The following LRRC8D variants were observed in gnomAD, a reference collection of about 807,000 sequenced individuals.
The protein encoded by LRRC8D is leucine rich repeat containing 8 VRAC subunit D.
Under a neutral mutation model 55.8 loss-of-function variants are expected in LRRC8D, and 20 were observed. The observed-to-expected ratio is 0.36, with a 90% CI of 0.25 to 0.52. The LOEUF is 0.52. Among genes scored for constraint, LRRC8D ranks in the 20% least tolerant of loss-of-function variants. LRRC8D has a pLI of 0.93. For missense variants in LRRC8D, 651 were observed against 1,030.8 expected (o/e 0.63, Z 5.05); for synonymous variants, 352 against 377.0 (o/e 0.93, Z 0.77).
chr1:89,914,087 G>A (rs1663195741), intron 2 of LRRC8D, among the ~76,000 whole-genome samples: 1 of 152,184 alleles, frequency 6.6e-6, no homozygotes, highest in African/African-American at 2.4e-5. Context: ...ATCCTACCAT[G>A]GTAAAAGGTC....
intron 2 of LRRC8D, among the ~76,000 whole-genome samples, chr1:89,858,176 C>A (rs1489986369): frequency 6.6e-6 from 1 of 152,206 alleles, no homozygotes; most frequent in Non-Finnish European, 1.5e-5. Flanking sequence ...TTGCCGTGAG[C>A]AGAGATGTCA....
intron 2 of LRRC8D, among the ~76,000 whole-genome samples, chr1:89,866,392 A>G (rs1661850406): frequency 6.6e-6 from 1 of 152,238 alleles, no homozygotes; most frequent in African/African-American, 2.4e-5. Flanking sequence ...GTGCATTTAT[A>G]TCAGTTTCCT....
chr1:89,828,555 G>A (rs1333665545), intron 1 of LRRC8D, among the ~76,000 whole-genome samples: 1 of 151,988 alleles, frequency 6.6e-6, no homozygotes, highest in East Asian at 1.9e-4. Flanking sequence ...TGGTTTTTTG[G>A]TGTCATTTCT....
intron 2 of LRRC8D, among the ~76,000 whole-genome samples, chr1:89,854,565 T>G (rs1570824088): frequency 6.6e-6 from 1 of 152,218 alleles, no homozygotes; most frequent in Admixed American, 6.5e-5. Context: ...GTTCTTCCAT[T>G]TAATGGAAGA....
chr1:89,932,772 A>ATCCTGCTGTCATACCC (rs1553129895), intron 2 of LRRC8D, among the ~76,000 whole-genome samples: 5 of 152,232 alleles, frequency 3.3e-5, no homozygotes, highest in African/African-American at 9.6e-5. Context: ...AACAAATGCC[A>ATCCTGCTGTCATACCC]TCCTGCTGTC....
chr1:89,832,591 TAGTATTGAGAG>T (rs1195893678), intron 1 of LRRC8D, among the ~76,000 whole-genome samples: 2 of 152,210 alleles, frequency 1.3e-5, no homozygotes, highest in African/African-American at 2.4e-5. Context: ...AAACCATTTG[TAGTATTGAGAG>T]AATGGGTTCA....
chr1:89,833,336 A>G (rs1660929773), intron 1 of LRRC8D, among the ~76,000 whole-genome samples: 1 of 152,232 alleles, frequency 6.6e-6, no homozygotes, highest in Non-Finnish European at 1.5e-5. Context: ...AAAACGCTGG[A>G]CTGATCATTA....
intron 2 of LRRC8D, among the ~76,000 whole-genome samples, chr1:89,850,334 A>G (rs536015112): frequency 6.6e-6 from 1 of 152,156 alleles, no homozygotes; most frequent in Non-Finnish European, 1.5e-5. Context: ...ACAAAGGTAA[A>G]CTCGTGTCAT....
At chr1:89,872,803 C>G (rs1662054182) in intron 2 of LRRC8D, among the ~76,000 whole-genome samples, 1 of 152,156 alleles carries the variant, frequency 6.6e-6, no homozygotes, top group African/African-American at 2.4e-5. Flanking sequence ...GTCTCCTACA[C>G]TGTGTCAGGT....
chr1:89,850,629 C>CT (rs749562807), intron 2 of LRRC8D, among the ~76,000 whole-genome samples: 1 of 152,174 alleles, frequency 6.6e-6, no homozygotes, highest in Non-Finnish European at 1.5e-5. Context: ...TTTTTATGTT[C>CT]TTTTTTATCA....
At chr1:89,856,753 G>A (rs1332234787) in intron 2 of LRRC8D, among the ~76,000 whole-genome samples, 9 of 152,080 alleles carry the variant, frequency 5.9e-5, no homozygotes, top group Non-Finnish European at 1.3e-4. Flanking sequence ...GACAATCTGT[G>A]TCTTTTAATT....
At chr1:89,928,282 G>C (rs1253400263) in intron 2 of LRRC8D, among the ~76,000 whole-genome samples, 2 of 152,088 alleles carry the variant, frequency 1.3e-5, no homozygotes, top group East Asian at 3.9e-4. Context: ...TGTTGGCCAG[G>C]CTGGTCTCAA....
At position 89,889,580 on chromosome 1, in the gene LRRC8D, T is replaced by TAA. The variant is rs58885629; in HGVS notation, c.-2-43473_-2-43472dup. On this transcript the variant is annotated intron_variant, in intron 2 of 2. Transcript: ENST00000337338. Reference sequence around the variant, plus strand: ...AAACTATACTGTTTAAATGTTTGTTTAAAAAAAAAAAAAAAGGCAGCCTGG... The same window carrying TAA: ...AAACTATACTGTTTAAATGTTTGTTTAAAAAAAAAAAAAAAAAGGCAGCCTGG... Among the ~76,000 whole-genome samples, 261 of 142,706 alleles carry TAA rather than the reference T, an allele frequency of 1.8e-3. 1 individual carries two copies. The highest frequency in any genetic ancestry group is 5.4e-3 in the African/African-American group (208 of 38,796). The allele number at this position is 142,706 out of a possible 152,430, so 93.6% of individuals were successfully genotyped here. A position where few individuals can be genotyped will look rare whatever the true frequency, so the allele number is the denominator to read the frequency against.
chr1:89,902,527 CTTTTTCTT>C (rs923823901), intron 2 of LRRC8D, among the ~76,000 whole-genome samples: 1 of 151,800 alleles, frequency 6.6e-6, no homozygotes, highest in Non-Finnish European at 1.5e-5. Context: ...AGGATGTTTT[CTTTTTCTT>C]TTTTTCTTTT....
chr1:89,919,952 G>T (rs573098423), intron 2 of LRRC8D, among the ~76,000 whole-genome samples: 1 of 152,280 alleles, frequency 6.6e-6, no homozygotes, highest in African/African-American at 2.4e-5. Flanking sequence ...GCTGGCCTGA[G>T]TTCATGATTT....
At chr1:89,863,055 G>A (rs964496330) in intron 2 of LRRC8D, among the ~76,000 whole-genome samples, 27 of 152,150 alleles carry the variant, frequency 1.8e-4, no homozygotes, top group Non-Finnish European at 3.4e-4. Flanking sequence ...GACCTTTGTA[G>A]TTCCCTAGTC....
rs186612563 is a variant in LRRC8D, at chr1:89,879,568, T to G, written c.-3+35786T>G. On this transcript the variant is annotated intron_variant, in intron 2 of 2. Coordinates refer to ENST00000337338, the MANE Select transcript of LRRC8D (RefSeq NM_001134479.2). Reference sequence around the variant, plus strand: ...AAATACTTTCCTGGTAAATCTGTTGTGTTACCTTATGTATGATATTGTGTA... The same window carrying G: ...AAATACTTTCCTGGTAAATCTGTTGGGTTACCTTATGTATGATATTGTGTA... Among the ~76,000 whole-genome samples the G allele has an allele frequency of 2.0e-5, 3 of 152,368 alleles. No homozygotes were observed. In the East Asian group the frequency reaches 5.8e-4, roughly 29 times the overall value.
chr1:89,869,833 G>A (rs1021494103), intron 2 of LRRC8D, among the ~76,000 whole-genome samples: 2 of 152,208 alleles, frequency 1.3e-5, no homozygotes, highest in African/African-American at 2.4e-5. Flanking sequence ...ATTTTCACAC[G>A]GCGTGGTGGC....
intron 2 of LRRC8D, among the ~76,000 whole-genome samples, chr1:89,875,861 G>A (rs1662134939): frequency 6.6e-6 from 1 of 152,176 alleles, no homozygotes; most frequent in African/African-American, 2.4e-5. Context: ...AGGATGTTGA[G>A]GAACTTCCGC....
Sources: gnomAD v4.1 joint callset for allele counts (sites outside exome capture counted in the v4.1 genomes callset) on GRCh38, gnomAD v4.1.1 for gene constraint, MANE v1.5 for transcripts, NCBI Gene and HGNC (gene_info 2026-07-23, HGNC 2026-07-21) for gene names.